Variants in ATG4B observed in about 807,000 individuals in gnomAD.
The protein encoded by ATG4B is cysteine protease ATG4B.
ATG4B carries 29 observed loss-of-function variants against 56.6 expected under a neutral mutation model. The observed-to-expected ratio is 0.51, with a 90% CI of 0.38 to 0.70. The LOEUF (loss-of-function observed/expected upper bound fraction) is 0.70. Ranked by LOEUF, ATG4B falls within the 30% of genes least tolerant of loss-of-function variation. ATG4B has a pLI of 0.00. For synonymous variants in ATG4B, 224 were observed against 206.1 expected (o/e 1.09, Z -0.74); for missense variants, 461 against 515.5 (o/e 0.89, Z 1.02).
At chr2:241,643,796 C>G (rs2067983961) in intron 1 of ATG4B, among the ~76,000 whole-genome samples, 1 of 151,004 alleles carries the variant, frequency 6.6e-6, no homozygotes, top group South Asian at 2.1e-4. Context: ...CCCTTGACCT[C>G]AGGTGATCCA....
At chr2:241,665,888 G>A (rs1331864208) in intron 7 of ATG4B, among the ~76,000 whole-genome samples, 1 of 152,082 alleles carries the variant, frequency 6.6e-6, no homozygotes, top group African/African-American at 2.4e-5. Context: ...TCACCTGTCA[G>A]TCACTGTCAC....
Position 241,650,999 on chromosome 2 carries a change from G to C in ATG4B, c.11-11G>C. On this transcript the variant is annotated splice_polypyrimidine_tract_variant and intron_variant, in intron 1 of 12. Transcript: ENST00000404914. ...AAGTGTCTGATGATTGTGCATCTTTGGTTTCAACAGCTACTCTGACCTACG... is the reference window on the plus strand; with the variant it reads ...AAGTGTCTGATGATTGTGCATCTTTCGTTTCAACAGCTACTCTGACCTACG... The C allele has an allele frequency of 6.2e-7, 1 of 1,606,980 alleles. No homozygotes were observed. The highest frequency in any genetic ancestry group is 8.5e-7 in the Non-Finnish European group (1 of 1,175,172).
At chr2:241,657,981 C>T (rs1411554170) in intron 6 of ATG4B, among the ~76,000 whole-genome samples, 2 of 152,182 alleles carry the variant, frequency 1.3e-5, no homozygotes, top group African/African-American at 4.8e-5. Flanking sequence ...CCCCCGACAC[C>T]TGCCTGGGTT....
At chr2:241,655,440 G>T (rs2068368313) in intron 6 of ATG4B, 97 bp downstream of exon 6, 4 of 1,260,310 alleles carry the variant, frequency 3.2e-6, no homozygotes, top group Admixed American at 2.1e-5. Context: ...GAAATAAGGG[G>T]TCTCTAATTA....
intron 6 of ATG4B, among the ~76,000 whole-genome samples, chr2:241,656,392 T>A (rs923943037): frequency 6.6e-6 from 1 of 151,618 alleles, no homozygotes; most frequent in Non-Finnish European, 1.5e-5. Flanking sequence ...ACCTGCTCAG[T>A]CCCTACTGCA....
rs746430939 is a variant in ATG4B at position 241,671,510 on chromosome 2, C to T, written c.1108+105C>T. On this transcript the variant is annotated intron_variant, in intron 12 of 12. Transcript: ENST00000404914. Reference sequence around the variant, plus strand: ...TTTGACCATTAAGGTGTGTGTGAGCCTGAGCCGTGAGCACTTGGCAGTGGT... The same window carrying T: ...TTTGACCATTAAGGTGTGTGTGAGCTTGAGCCGTGAGCACTTGGCAGTGGT... 9 of 1,552,200 alleles carry T rather than the reference C, an allele frequency of 5.8e-6. No individual in the cohort carries two copies. In the South Asian group the frequency reaches 9.5e-5, roughly 16 times the overall value.
chr2:241,670,648 A>T, intron 10 of ATG4B, 78 bp from the exon 11 acceptor site: 1 of 1,303,478 alleles, frequency 7.7e-7, no homozygotes, highest in Non-Finnish European at 1.1e-6. Flanking sequence ...CGCCACTGGC[A>T]GTGGGAATGG....
At chr2:241,642,961 C>T (rs2067946859) in intron 1 of ATG4B, among the ~76,000 whole-genome samples, 1 of 144,472 alleles carries the variant, frequency 6.9e-6, no homozygotes, top group Non-Finnish European at 1.5e-5. Flanking sequence ...CAGCTCACTG[C>T]AGCCTTCGCC....
At position 241,651,804 on chromosome 2, in the gene ATG4B, A is replaced by G; in HGVS notation, c.184+469A>G. The G allele has an allele frequency of 1.0e-6, 1 of 991,356 alleles. No homozygotes were observed. Among genetic ancestry groups the G allele is most frequent in the South Asian group, 1.4e-5 (1 of 73,324 alleles). The allele number at this position is 991,356 out of a possible 1,614,324, so 61.4% of individuals were successfully genotyped here. A position where few individuals can be genotyped will look rare whatever the true frequency, so the allele number is the denominator to read the frequency against. Reference sequence around the variant, plus strand: ...CCTCATCTTTTTTAGTATTTTCCACACTTAACCTGTGGGGAGATTTGAAGG... The same window carrying G: ...CCTCATCTTTTTTAGTATTTTCCACGCTTAACCTGTGGGGAGATTTGAAGG... On this transcript the variant is annotated intron_variant, in intron 3 of 12. Coordinates refer to ENST00000404914, the MANE Select transcript of ATG4B (RefSeq NM_013325.5). This position sits in a 1 kb window ranked among gnomAD's most constrained non-coding sequence, Gnocchi z 4.1.
intron 1 of ATG4B, among the ~76,000 whole-genome samples, chr2:241,647,376 T>C (rs1228671286): frequency 3.3e-5 from 5 of 151,454 alleles, no homozygotes; most frequent in Non-Finnish European, 5.9e-5. Context: ...CCCAGCACTT[T>C]GGGAGGCCGA....
chr2:241,670,639 G>A (rs1006530111), intron 10 of ATG4B, 87 bp from the exon 11 acceptor site: 41 of 1,240,864 alleles, frequency 3.3e-5, no homozygotes, highest in Admixed American at 5.9e-5. Context: ...CCTCTGCTGC[G>A]CCACTGGCAG....
Position 241,654,621 on chromosome 2 carries a change from A to G in ATG4B, c.359A>G (p.Asp120Gly). The part of the protein sequence containing the change: ...SVLNAFIDRK[D>G]SYYSIHQIAQ... ...CTCAACGCATTCATCGACAGGAAGG[A>G]CAGTTACTACTCCATTCACCAGATA... The change falls in exon 5 of 13, where the codon GAC becomes GGC. Residue 120 changes from aspartate (D) to glycine (G), a missense_variant. Asp to Gly is a moderately conservative substitution (Grantham distance 94). Coordinates refer to ENST00000404914, the MANE Select transcript of ATG4B (RefSeq NM_013325.5). 2 of 1,600,480 alleles carry G rather than the reference A, an allele frequency of 1.2e-6. No individual in the cohort carries two copies. The highest frequency in any genetic ancestry group is 1.7e-4 in the Middle Eastern group (1 of 6,052).
chr2:241,666,935 A>T (rs1424041303), intron 8 of ATG4B, 97 bp downstream of exon 8: 4 of 1,398,108 alleles, frequency 2.9e-6, no homozygotes, highest in Non-Finnish European at 3.8e-6. Flanking sequence ...CCATTTGTGC[A>T]GCCGGCTCTC....
intron 1 of ATG4B, among the ~76,000 whole-genome samples, chr2:241,639,184 C>G (rs1208574798): frequency 6.6e-6 from 1 of 152,220 alleles, no homozygotes; most frequent in African/African-American, 2.4e-5. Flanking sequence ...CCAGAGTGGG[C>G]TCTGCAGAGC....
intron 7 of ATG4B, 22 bp from the exon 8 acceptor site, chr2:241,666,623 G>A: frequency 6.2e-7 from 1 of 1,611,966 alleles, no homozygotes; most frequent in Non-Finnish European, 8.5e-7. Context: ...CTTGGTTAGT[G>A]AAAGCATGTC....
Position 241,671,522 on chromosome 2 carries a change from C to T in ATG4B, c.1108+117C>T. 5 of 1,546,902 alleles carry T rather than the reference C, an allele frequency of 3.2e-6. No individual in the cohort carries two copies. The South Asian group carries it at 6.0e-5, about 18-fold the overall frequency. ...GGTGTGTGTGAGCCTGAGCCGTGAG[C>T]ACTTGGCAGTGGTTCGCCTGTGAGA... On this transcript the variant is annotated intron_variant, in intron 12 of 12. Coordinates refer to ENST00000404914, the MANE Select transcript of ATG4B (RefSeq NM_013325.5).
rs1311650811 is a variant in ATG4B, at chr2:241,668,797, A to G, written c.957+112A>G. 2 of 1,441,654 alleles carry G rather than the reference A, an allele frequency of 1.4e-6. No individual in the cohort carries two copies. Among genetic ancestry groups the G allele is most frequent in the Non-Finnish European group, 1.9e-6 (2 of 1,079,244 alleles). 89.3% of individuals were successfully genotyped at this position (1,441,654 alleles called of 1,614,324 possible). ...TTTTTTTCAGCATGTTGGGATAAGT[A>G]CTGTGTTCACGTGGTTGGGAATCTG... is the stretch of plus-strand genomic sequence containing the variant. On this transcript the variant is annotated intron_variant, in intron 10 of 12. Transcript: ENST00000404914. The surrounding 1 kb of genome is among the most constrained non-coding windows in gnomAD (Gnocchi z 4.2).
chr2:241,638,473 T>C (rs1307924727), intron 1 of ATG4B: 2 of 152,186 alleles, frequency 1.3e-5, no homozygotes, highest in African/African-American at 4.8e-5. Flanking sequence ...GCCAAACCCA[T>C]CGCTAGCCCA....
chr2:241,642,756 C>T (rs867654274), intron 1 of ATG4B, among the ~76,000 whole-genome samples: 6 of 148,572 alleles, frequency 4.0e-5, no homozygotes, highest in African/African-American at 9.9e-5. Flanking sequence ...TGCTTGTGAT[C>T]GCAGAAGTCC....
Sources: allele counts gnomAD v4.1 joint callset (sites outside exome capture counted in the v4.1 genomes callset), GRCh38; gene constraint gnomAD v4.1.1; non-coding constraint Gnocchi (gnomAD v3.1); transcripts MANE v1.5; gene names NCBI Gene and HGNC (gene_info 2026-07-23, HGNC 2026-07-21).